The following NTM variants were observed in gnomAD, a reference collection of about 807,000 sequenced individuals.
NTM encodes the protein IgLON family member 2.
In NTM, 13 loss-of-function variants were observed where a neutral mutation model predicts 42.1. The observed-to-expected ratio is 0.31, with a 90% CI of 0.20 to 0.49. The LOEUF is 0.49. Ranked by LOEUF, NTM falls within the 20% of genes least tolerant of loss-of-function variation. The pLI, the probability that NTM is intolerant of heterozygous loss-of-function variation, is 0.99. For synonymous variants in NTM, 187 were observed against 179.2 expected, an observed-to-expected ratio of 1.04 and a Z score of -0.35; for missense variants, 373 against 452.8, an observed-to-expected ratio of 0.82 and a Z score of 1.60.
intron 1 of NTM, among the ~76,000 whole-genome samples, chr11:131,897,420 T>C (rs2052479049): frequency 6.6e-6 from 1 of 152,214 alleles, no homozygotes; most frequent in African/African-American, 2.4e-5. Context: ...CAAATATTGT[T>C]GCAGTTGGAG....
At chr11:132,151,549 T>C (rs2071911372) in intron 3 of NTM, among the ~76,000 whole-genome samples, 1 of 152,232 alleles carries the variant, frequency 6.6e-6, no homozygotes, top group South Asian at 2.1e-4. Context: ...TTAAAAAAGC[T>C]TTTAGCCTCT....
intron 1 of NTM, among the ~76,000 whole-genome samples, chr11:131,615,514 C>T (rs2061840636): frequency 6.6e-6 from 1 of 152,078 alleles, no homozygotes; most frequent in South Asian, 2.1e-4. Flanking sequence ...TACAGGCACC[C>T]ACCACAATGC....
intron 7 of NTM, among the ~76,000 whole-genome samples, chr11:132,321,401 G>A (rs1008890475): frequency 1.3e-5 from 2 of 152,180 alleles, no homozygotes; most frequent in African/African-American, 2.4e-5. Context: ...AGGAGCCGAT[G>A]TGATCAACTG....
intron 1 of NTM, chr11:131,663,216 A>G (rs548963847): frequency 3.3e-5 from 5 of 152,376 alleles, no homozygotes; most frequent in Non-Finnish European, 7.3e-5. Flanking sequence ...GACATTTTTC[A>G]GAACCAGATC....
At chr11:131,780,864 C>A (rs2087960275) in intron 1 of NTM, among the ~76,000 whole-genome samples, 1 of 152,116 alleles carries the variant, frequency 6.6e-6, no homozygotes, top group Admixed American at 6.5e-5. Context: ...ATACCTTCTC[C>A]TTGATGGTTA....
At chr11:131,945,755 T>C (rs7940278) in intron 2 of NTM, among the ~76,000 whole-genome samples, 3,054 of 152,302 alleles carry the variant, frequency 0.02, 96 homozygotes, top group African/African-American at 0.07. Context: ...CCTGCACCTT[T>C]ACTGATATGC....
intron 1 of NTM, among the ~76,000 whole-genome samples, chr11:131,890,983 C>A (rs2051239317): frequency 6.6e-6 from 1 of 152,138 alleles, no homozygotes; most frequent in African/African-American, 2.4e-5. Context: ...TCTCCTCTAG[C>A]CTAGCGAGAG....
intron 3 of NTM, among the ~76,000 whole-genome samples, chr11:132,208,554 C>T (rs774131096): frequency 4.6e-5 from 7 of 152,136 alleles, no homozygotes; most frequent in East Asian, 1.9e-4. Context: ...GCATGAGGTG[C>T]GATTGTCTCA....
At position 131,633,766 on chromosome 11, in the gene NTM, C is replaced by CCTCTCTCT. The variant is rs1238243158; in HGVS notation, c.82+262894_82+262901dup. Among the ~76,000 whole-genome samples the CCTCTCTCT allele has an allele frequency of 4.3e-3, 171 of 40,004 alleles. 1 individual carries two copies. Among genetic ancestry groups the CCTCTCTCT allele is most frequent in the African/African-American group, 0.012 (163 of 14,024 alleles). 26.2% of individuals were successfully genotyped at this position (40,004 alleles called of 152,430 possible). A position where few individuals can be genotyped will look rare whatever the true frequency, so the allele number is the denominator to read the frequency against. ...CCCTCTCTCTCCCTCCCTCTCTCTC[C>CCTCTCTCT]CTCTCTCTCTCTCTCTCTCTCTCAC... is the stretch of plus-strand genomic sequence containing the variant. On this transcript the variant is annotated intron_variant, in intron 1 of 8. Coordinates refer to ENST00000683400, the MANE Select transcript of NTM (RefSeq NM_001352005.2).
intron 1 of NTM, among the ~76,000 whole-genome samples, chr11:131,841,077 AT>A (rs1469356474): frequency 6.6e-6 from 1 of 152,232 alleles, no homozygotes; most frequent in African/African-American, 2.4e-5. Flanking sequence ...TTTAGTACAC[AT>A]TTTTAAGACA....
chr11:131,796,061 A>G, intron 1 of NTM: 2 of 985,442 alleles, frequency 2.0e-6, no homozygotes, highest in Non-Finnish European at 2.4e-6. Context: ...GATCAGTGCC[A>G]AACAGGAAAG....
intron 4 of NTM, among the ~76,000 whole-genome samples, chr11:132,297,482 G>T (rs2094658468): frequency 6.6e-6 from 1 of 152,244 alleles, no homozygotes; most frequent in Non-Finnish European, 1.5e-5. Flanking sequence ...AATGGGCAGA[G>T]CCCTGCATCC....
intron 1 of NTM, among the ~76,000 whole-genome samples, chr11:131,435,510 C>CT (rs1469924256): frequency 6.6e-5 from 10 of 152,258 alleles, no homozygotes; most frequent in Admixed American, 6.5e-4. Flanking sequence ...CCTCACATCC[C>CT]TTGTAAGTTG....
intron 2 of NTM, among the ~76,000 whole-genome samples, chr11:132,015,665 A>ATTTTATTTTATTTTC (rs2073272690): frequency 6.6e-6 from 1 of 150,640 alleles, no homozygotes. Context: ...ATTTTATTTT[A>ATTTTATTTTATTTTC]TTTTATGCAG....
chr11:131,559,329 G>A (rs1182193213), intron 1 of NTM, among the ~76,000 whole-genome samples: 2 of 152,198 alleles, frequency 1.3e-5, no homozygotes, highest in Non-Finnish European at 2.9e-5. Flanking sequence ...ACTTATCTAC[G>A]ACTGCTGGTA....
chr11:131,821,414 T>C (rs575233986), intron 1 of NTM, among the ~76,000 whole-genome samples: 1 of 152,342 alleles, frequency 6.6e-6, no homozygotes, highest in South Asian at 2.1e-4. Context: ...TGATAGGCAC[T>C]CTGTTTCCAT....
At chr11:131,473,152 C>G (rs1163028296) in intron 1 of NTM, among the ~76,000 whole-genome samples, 1 of 152,082 alleles carries the variant, frequency 6.6e-6, no homozygotes, top group Non-Finnish European at 1.5e-5. Flanking sequence ...CAAACACATC[C>G]CACCAGGCCC....
intron 1 of NTM, among the ~76,000 whole-genome samples, chr11:131,842,642 T>C (rs2044403954): frequency 6.6e-6 from 1 of 152,178 alleles, no homozygotes; most frequent in Non-Finnish European, 1.5e-5. Flanking sequence ...AGAAGTACAT[T>C]AATTGAGTAT....
At chr11:131,962,228 CAG>C (rs1250253220) in intron 2 of NTM, among the ~76,000 whole-genome samples, 1 of 152,108 alleles carries the variant, frequency 6.6e-6, no homozygotes, top group Non-Finnish European at 1.5e-5. Context: ...CAGTTGAGGT[CAG>C]AGTAGAGGGG....
Sources: gnomAD v4.1 joint callset for allele counts (sites outside exome capture counted in the v4.1 genomes callset) on GRCh38, gnomAD v4.1.1 for gene constraint, MANE v1.5 for transcripts, NCBI Gene and HGNC (gene_info 2026-07-23, HGNC 2026-07-21) for gene names.